ETV6: variants seen among roughly 807,000 people sequenced by gnomAD.
The protein encoded by ETV6 is ETS variant transcription factor 6, also known as transcription factor ETV6.
Under a neutral mutation model 51.1 loss-of-function variants are expected in ETV6, and 16 were observed. The ratio of observed to expected loss-of-function variants is 0.31; its 90% CI spans 0.21 to 0.48. The LOEUF is 0.48. Among genes scored for constraint, ETV6 ranks in the 20% least tolerant of loss-of-function variants. The probability of loss-of-function intolerance (pLI) is 0.99; values close to 1 mark genes in which losing one functional copy is unlikely to be tolerated. For synonymous variants in ETV6, 240 were observed against 224.1 expected, an observed-to-expected ratio of 1.07 and a Z score of -0.64; for missense variants, 458 against 594.8, an observed-to-expected ratio of 0.77 and a Z score of 2.39.
At chr12:11,782,743 T>A (rs1215291189) in intron 2 of ETV6, among the ~76,000 whole-genome samples, 1 of 152,214 alleles carries the variant, frequency 6.6e-6, no homozygotes, top group Non-Finnish European at 1.5e-5. Context: ...CAAAAAGTAA[T>A]TTAGAACTAT....
At chr12:11,794,308 G>A (rs757028377) in intron 2 of ETV6, among the ~76,000 whole-genome samples, 20 of 152,140 alleles carry the variant, frequency 1.3e-4, no homozygotes, top group Non-Finnish European at 2.4e-4. Flanking sequence ...CTATGAAACC[G>A]ACCTCTGCCT....
intron 1 of ETV6, among the ~76,000 whole-genome samples, chr12:11,684,312 G>T (rs1471033382): frequency 6.6e-6 from 1 of 152,206 alleles, no homozygotes; most frequent in Non-Finnish European, 1.5e-5. Context: ...TAATTTGACA[G>T]ACTAAATGAG....
At chr12:11,848,301 G>A (rs1410268816) in intron 3 of ETV6, among the ~76,000 whole-genome samples, 1 of 152,060 alleles carries the variant, frequency 6.6e-6, no homozygotes, top group African/African-American at 2.4e-5. Flanking sequence ...CTTCCCTAAG[G>A]GCATACAGCT....
intron 1 of ETV6, among the ~76,000 whole-genome samples, chr12:11,650,505 A>C (rs1280140550): frequency 0.012 from 229 of 19,394 alleles, 1 homozygote; most frequent in African/African-American, 0.021. Context: ...ACAAAAAACA[A>C]AAAAAAAAAA....
At chr12:11,838,933 CT>C (rs1946352034) in intron 2 of ETV6, among the ~76,000 whole-genome samples, 1 of 152,252 alleles carries the variant, frequency 6.6e-6, no homozygotes, top group East Asian at 1.9e-4. Flanking sequence ...CCCTGGACTC[CT>C]CTTGGAGGCT....
intron 1 of ETV6, among the ~76,000 whole-genome samples, chr12:11,720,956 A>T (rs1865373097): frequency 6.6e-6 from 1 of 152,230 alleles, no homozygotes; most frequent in South Asian, 2.1e-4. Context: ...GCAGCCAACA[A>T]ACAAGAAAAA....
At position 11,784,862 on chromosome 12, in the gene ETV6, ATT is replaced by A. The variant is rs34004409; in HGVS notation, c.163+32306_163+32307del. 1.3e-3 allele frequency among the ~76,000 whole-genome samples: 112 copies of A among 85,752 alleles called. 1 individual carries two copies. Among genetic ancestry groups the A allele is most frequent in the African/African-American group, 4.8e-3 (101 of 21,010 alleles). 56.3% of individuals were successfully genotyped at this position (85,752 alleles called of 152,430 possible). ...CAAGTGTGCACCCCGTGCCTTGCTA[ATT>A]TTTTTTTTTTTTTTTTTTTTTTGGT... On this transcript the variant is annotated intron_variant, in intron 2 of 7. Coordinates refer to ENST00000396373, the MANE Select transcript of ETV6 (RefSeq NM_001987.5).
chr12:11,879,344 A>G (rs1002125448), intron 5 of ETV6, among the ~76,000 whole-genome samples: 1 of 152,200 alleles, frequency 6.6e-6, no homozygotes, highest in South Asian at 2.1e-4. Context: ...CCCTATGTCA[A>G]TAATTTGACT....
At chr12:11,850,571 G>A (rs1946538010) in intron 3 of ETV6, among the ~76,000 whole-genome samples, 1 of 150,254 alleles carries the variant, frequency 6.7e-6, no homozygotes, top group South Asian at 2.1e-4. Context: ...AGTGGTGGTG[G>A]TAGTAAAATC....
chr12:11,714,581 C>T lies in ETV6; in HGVS notation c.34-37869C>T, dbSNP rs113533286. Among the ~76,000 whole-genome samples, 127 of 137,500 alleles carry T rather than the reference C, an allele frequency of 9.2e-4. 1 individual carries two copies. The highest frequency in any genetic ancestry group is 3.1e-3 in the African/African-American group (113 of 36,062). The allele number at this position is 137,500 out of a possible 152,430, so 90.2% of individuals were successfully genotyped here. ...GCCTCAAGAGGCTGAGAACCAAAGA[C>T]GGAAAAAGCACAACTTATAGTCCAG... is the stretch of plus-strand genomic sequence containing the variant. On this transcript the variant is annotated intron_variant, in intron 1 of 7. Transcript: ENST00000396373.
rs575097379 is a variant in ETV6, at chr12:11,847,853, A to G, written c.329-5574A>G. ...GGACAAGGGGCATGTACATGTGGAC[A>G]GGAAAAAAACTTGAAACTGCTTAAA... On this transcript the variant is annotated intron_variant, in intron 3 of 7. Transcript: ENST00000396373. Among the ~76,000 whole-genome samples, 7 of 152,328 alleles carry G rather than the reference A, an allele frequency of 4.6e-5. No homozygotes were observed. The East Asian group carries it at 1.4e-3, about 29-fold the overall frequency.
At position 11,687,738 on chromosome 12, in the gene ETV6, T is replaced by C. The variant is rs1864663607; in HGVS notation, c.33+37578T>C. Among the ~76,000 whole-genome samples, 3 of 152,140 alleles carry C rather than the reference T, an allele frequency of 2.0e-5. No homozygotes were observed. The South Asian group carries it at 6.2e-4, about 32-fold the overall frequency. On this transcript the variant is annotated intron_variant, in intron 1 of 7. Coordinates refer to ENST00000396373, the MANE Select transcript of ETV6 (RefSeq NM_001987.5). Reference sequence around the variant, plus strand: ...AAGCACATAAGCTGTAGTCTTTAGCTTTAACGGACTTGTAGCCTAGTTGAG... The same window carrying C: ...AAGCACATAAGCTGTAGTCTTTAGCCTTAACGGACTTGTAGCCTAGTTGAG...
At chr12:11,796,272 C>T (rs536031919) in intron 2 of ETV6, among the ~76,000 whole-genome samples, 8 of 152,060 alleles carry the variant, frequency 5.3e-5, no homozygotes, top group African/African-American at 1.2e-4. Flanking sequence ...CTTTTCTTGC[C>T]GGAAAGGAAA....
At chr12:11,857,803 C>A (rs1347178744) in intron 4 of ETV6, among the ~76,000 whole-genome samples, 1 of 152,216 alleles carries the variant, frequency 6.6e-6, no homozygotes, top group Non-Finnish European at 1.5e-5. Context: ...TTTCTCATTC[C>A]TCTGGCTCTG....
In ETV6 at chr12:11,692,393, C is replaced by G. The variant is rs138034959; in HGVS notation, c.33+42233C>G. On this transcript the variant is annotated intron_variant, in intron 1 of 7. Transcript: ENST00000396373. ...TAAATTTCATTTCTTTGTAAATTACCTAGTTTTAGGGATTTGGTTATAAGC... is the reference window on the plus strand; with the variant it reads ...TAAATTTCATTTCTTTGTAAATTACGTAGTTTTAGGGATTTGGTTATAAGC... Among the ~76,000 whole-genome samples the G allele has an allele frequency of 6.6e-5, 10 of 152,096 alleles. No individual in the cohort carries two copies. In the East Asian group the frequency reaches 1.9e-3, roughly 29 times the overall value.
Position 11,869,465 on chromosome 12 carries a change from G to A in ETV6, c.505G>A (p.Val169Met), listed in dbSNP as rs758916322. 3.7e-6 allele frequency: 6 copies of A among 1,613,800 alleles called. No individual in the cohort carries two copies. The African/African-American group carries it at 8.0e-5, about 22-fold the overall frequency. Residue 169 changes from valine (V) to methionine (M), a missense_variant, in exon 5 of 8, where the codon GTG becomes ATG. Physicochemically the swap from Val to Met is conservative, Grantham distance 21. Transcript: ENST00000396373. This position sits in a 1 kb window ranked among gnomAD's most constrained non-coding sequence, Gnocchi z 5.0. ...GACCCCCAGGCCATCCGTGGATAATGTGCACCATAACCCTCCCACCATTGA... is the reference window on the plus strand; with the variant it reads ...GACCCCCAGGCCATCCGTGGATAATATGCACCATAACCCTCCCACCATTGA... Reference protein sequence around the residue: ...QRTPRPSVDNVHHNPPTIELL... With the variant: ...QRTPRPSVDNMHHNPPTIELL...
chr12:11,800,397 A>T (rs996383709), intron 2 of ETV6, among the ~76,000 whole-genome samples: 1 of 152,214 alleles, frequency 6.6e-6, no homozygotes, highest in Non-Finnish European at 1.5e-5. Flanking sequence ...ATTAACTCAC[A>T]TACCTGTTTT....
chr12:11,680,941 C>T (rs939644734), intron 1 of ETV6, among the ~76,000 whole-genome samples: 1 of 152,222 alleles, frequency 6.6e-6, no homozygotes, highest in East Asian at 1.9e-4. Context: ...GCTTTTGGAT[C>T]CCAGGGTAGA....
Position 11,891,447 on chromosome 12 carries a change from A to AAT in ETV6, c.*408_*409dup, listed in dbSNP as rs2136617169. Reference sequence around the variant, plus strand: ...ACATCTGATGTTGTTTTCCTATGGAAATATATATCTATTATATATATATTT... The same window carrying AAT: ...ACATCTGATGTTGTTTTCCTATGGAAATATATATATCTATTATATATATATTT... On this transcript the variant is annotated 3_prime_UTR_variant, in exon 8 of 8. Coordinates refer to ENST00000396373, the MANE Select transcript of ETV6 (RefSeq NM_001987.5). 7.9e-6 allele frequency: 3 copies of AAT among 380,014 alleles called. No homozygotes were observed. Among genetic ancestry groups the AAT allele is most frequent in the East Asian group, 9.8e-5 (2 of 20,422 alleles). 23.5% of individuals were successfully genotyped at this position (380,014 alleles called of 1,614,324 possible).
Sources: allele counts gnomAD v4.1 joint callset (sites outside exome capture counted in the v4.1 genomes callset), GRCh38; gene constraint gnomAD v4.1.1; non-coding constraint Gnocchi (gnomAD v3.1); transcripts MANE v1.5; gene names NCBI Gene and HGNC (gene_info 2026-07-23, HGNC 2026-07-21).